Variants in PRKG1 observed in about 807,000 individuals in gnomAD.
PRKG1 encodes the protein protein kinase cGMP-dependent 1.
A neutral mutation model predicts 88.1 loss-of-function variants in PRKG1; 35 were observed. That is an observed-to-expected ratio of 0.40 (90% confidence interval 0.30 to 0.53). The LOEUF is 0.53. Ranked by LOEUF, PRKG1 falls within the 20% of genes least tolerant of loss-of-function variation. The pLI is 0.59. For missense variants in PRKG1, 540 were observed against 839.8 expected (o/e 0.64, Z 4.41); for synonymous variants, 303 against 292.5 (o/e 1.04, Z -0.37).
intron 2 of PRKG1, among the ~76,000 whole-genome samples, chr10:51,373,650 C>T (rs528414305): frequency 6.6e-6 from 1 of 152,084 alleles, no homozygotes; most frequent in Admixed American, 6.6e-5. Flanking sequence ...AACCCAAATG[C>T]CCATCAATGA....
intron 2 of PRKG1, among the ~76,000 whole-genome samples, chr10:51,350,570 C>A (rs972372900): frequency 2.0e-5 from 3 of 152,088 alleles, no homozygotes; most frequent in Admixed American, 2.0e-4. Flanking sequence ...TACTGGAAGT[C>A]TTAGCGAGAG....
chr10:51,994,595 G>C (rs1564743444), intron 5 of PRKG1, among the ~76,000 whole-genome samples: 4 of 152,162 alleles, frequency 2.6e-5, no homozygotes, highest in Non-Finnish European at 5.9e-5. Flanking sequence ...TTGTTTGACT[G>C]AGAAAGACTG....
At position 51,112,844 on chromosome 10, in the gene PRKG1, A is replaced by G. The variant is rs147648921; in HGVS notation, c.311+37943A>G. On this transcript the variant is annotated intron_variant, in intron 1 of 17. Transcript: ENST00000373980. ...AACTAATTTCCATTTTTCCAAATTC[A>G]TATGAATGCTAGACTAGTTTGACAT... Among the ~76,000 whole-genome samples, 893 of 152,356 alleles carry G rather than the reference A, an allele frequency of 5.9e-3. 5 individuals are homozygous for G. Among genetic ancestry groups the G allele is most frequent in the Middle Eastern group, 0.014 (4 of 294 alleles).
chr10:51,269,357 C>T (rs79397018), intron 2 of PRKG1, among the ~76,000 whole-genome samples: 3,464 of 152,124 alleles, frequency 0.023, 134 homozygotes, highest in African/African-American at 0.079. Flanking sequence ...ATTTAATCCA[C>T]TACTGGGTAT....
chr10:51,170,783 G>A (rs1846684075), intron 2 of PRKG1, among the ~76,000 whole-genome samples: 2 of 150,370 alleles, frequency 1.3e-5, no homozygotes, highest in Admixed American at 1.3e-4. Context: ...GGGGGAGTTG[G>A]GTAACAAAAC....
At chr10:51,789,163 A>G (rs149352134) in intron 3 of PRKG1, among the ~76,000 whole-genome samples, 1 of 152,308 alleles carries the variant, frequency 6.6e-6, no homozygotes, top group Non-Finnish European at 1.5e-5. Flanking sequence ...CCAACTGACA[A>G]AAGGACTTAC....
intron 1 of PRKG1, among the ~76,000 whole-genome samples, chr10:51,129,121 G>A (rs1414730675): frequency 6.6e-6 from 1 of 152,058 alleles, no homozygotes; most frequent in Admixed American, 6.6e-5. Context: ...GCTTTTATAT[G>A]CGTCATCTCA....
At chr10:51,211,458 C>A (rs1838217796) in intron 2 of PRKG1, among the ~76,000 whole-genome samples, 1 of 152,140 alleles carries the variant, frequency 6.6e-6, no homozygotes, top group Non-Finnish European at 1.5e-5. Flanking sequence ...GTTGGAAGTT[C>A]TGGACAGGGC....
intron 2 of PRKG1, among the ~76,000 whole-genome samples, chr10:51,407,552 C>T (rs75058838): frequency 0.022 from 3,383 of 152,328 alleles, 50 homozygotes; most frequent in Non-Finnish European, 0.035. Flanking sequence ...CTTATTTCTG[C>T]AACTCATCAC....
chr10:51,660,189 A>G (rs1840263428), intron 3 of PRKG1, among the ~76,000 whole-genome samples: 1 of 151,872 alleles, frequency 6.6e-6, no homozygotes, highest in Non-Finnish European at 1.5e-5. Context: ...ACAGTGACAA[A>G]TGACACAGGA....
intron 1 of PRKG1, among the ~76,000 whole-genome samples, chr10:51,063,684 G>A (rs1342810364): frequency 1.3e-5 from 2 of 152,120 alleles, no homozygotes; most frequent in African/African-American, 4.8e-5. Flanking sequence ...AAAGTGGCAA[G>A]CTTCCATTTG....
chr10:51,404,691 A>G (rs1289065308), intron 2 of PRKG1, among the ~76,000 whole-genome samples: 1 of 152,220 alleles, frequency 6.6e-6, no homozygotes, highest in African/African-American at 2.4e-5. Flanking sequence ...TGCCAATTAA[A>G]TGTACTTGGA....
intron 5 of PRKG1, among the ~76,000 whole-genome samples, chr10:52,047,750 A>G (rs1377215096): frequency 6.6e-6 from 1 of 152,102 alleles, no homozygotes; most frequent in Non-Finnish European, 1.5e-5. Context: ...TAAATCTGGG[A>G]TATTAGGGAG....
chr10:51,350,621 A>T (rs962030030), intron 2 of PRKG1, among the ~76,000 whole-genome samples: 21 of 152,192 alleles, frequency 1.4e-4, no homozygotes, highest in Admixed American at 7.9e-4. Flanking sequence ...TAAATCGGAA[A>T]GGAAGAAGTC....
chr10:52,027,143 T>C (rs1845362100), intron 5 of PRKG1, among the ~76,000 whole-genome samples: 1 of 152,210 alleles, frequency 6.6e-6, no homozygotes, highest in Non-Finnish European at 1.5e-5. Context: ...TCATATGGTC[T>C]GCGTTTTTCC....
chr10:50,996,863 C>A (rs1347169770), intron 1 of PRKG1, among the ~76,000 whole-genome samples: 1 of 152,112 alleles, frequency 6.6e-6, no homozygotes, highest in Non-Finnish European at 1.5e-5. Flanking sequence ...CTAACAGGAG[C>A]TTTTGGGAGA....
At chr10:51,475,990 A>G (rs546833018) in intron 3 of PRKG1, among the ~76,000 whole-genome samples, 1 of 152,076 alleles carries the variant, frequency 6.6e-6, no homozygotes, top group Non-Finnish European at 1.5e-5. Context: ...TTACAACATC[A>G]AAATACATTT....
At chr10:51,770,299 G>T (rs187594598) in intron 3 of PRKG1, among the ~76,000 whole-genome samples, 1 of 152,218 alleles carries the variant, frequency 6.6e-6, no homozygotes, top group Admixed American at 6.5e-5. Context: ...TAGAGGGAAA[G>T]TGGTTGTAAC....
At chr10:52,203,378 T>C (rs1471964853) in intron 9 of PRKG1, among the ~76,000 whole-genome samples, 2 of 152,118 alleles carry the variant, frequency 1.3e-5, no homozygotes, top group African/African-American at 4.8e-5. Context: ...GGTCTGAGAG[T>C]GTGGTGGATA....
Sources: gnomAD v4.1 joint callset for allele counts (sites outside exome capture counted in the v4.1 genomes callset) on GRCh38, gnomAD v4.1.1 for gene constraint, MANE v1.5 for transcripts, NCBI Gene and HGNC (gene_info 2026-07-23, HGNC 2026-07-21) for gene names.